The following QTRT2 variants were observed in gnomAD, a reference collection of about 807,000 sequenced individuals.
QTRT2 encodes the protein queuine tRNA-ribosyltransferase domain containing 1.
QTRT2 carries 32 observed loss-of-function variants against 44.8 expected under a neutral mutation model. That is an observed-to-expected ratio of 0.71 (90% CI 0.54 to 0.96). The LOEUF is 0.96. Among genes scored for constraint, QTRT2 ranks in the 40% least tolerant of loss-of-function variants. The pLI, the probability that QTRT2 is intolerant of heterozygous loss-of-function variation, is 0.00. For synonymous variants in QTRT2, 182 were observed against 187.4 expected, an observed-to-expected ratio of 0.97 and a Z score of 0.24; for missense variants, 461 against 503.1, an observed-to-expected ratio of 0.92 and a Z score of 0.80.
chr3:114,077,711 CT>C lies in QTRT2; in HGVS notation c.746+788del, dbSNP rs748709745. 2.3e-3 allele frequency: 298 copies of C among 127,688 alleles called. 1 individual carries two copies. The highest frequency in any genetic ancestry group is 0.021 in the South Asian group (83 of 3,928). The allele number at this position is 127,688 out of a possible 1,614,324, so 7.9% of individuals were successfully genotyped here. A position where few individuals can be genotyped will look rare whatever the true frequency, so the allele number is the denominator to read the frequency against. On this transcript the variant is annotated intron_variant, in intron 7 of 9. Transcript: ENST00000281273. ...GTATATAATATGTGTAATTTTACTA[CT>C]TTTTTTTTTTTTTTTTTTGAGACGG...
intron 6 of QTRT2, among the ~76,000 whole-genome samples, chr3:114,072,642 T>C (rs1288607905): frequency 1.3e-5 from 2 of 152,244 alleles, no homozygotes; most frequent in Non-Finnish European, 2.9e-5. Flanking sequence ...CCCTGTCTTA[T>C]TCACTGGTTC....
chr3:114,076,093 T>C (rs1577537211), intron 6 of QTRT2, among the ~76,000 whole-genome samples: 1 of 152,320 alleles, frequency 6.6e-6, no homozygotes, highest in African/African-American at 2.4e-5. Context: ...AAAGCAGGCC[T>C]GGATAGTCAT....
intron 9 of QTRT2, among the ~76,000 whole-genome samples, chr3:114,084,079 G>C (rs867805154): frequency 4.6e-5 from 6 of 129,784 alleles, no homozygotes; most frequent in Non-Finnish European, 8.5e-5. Context: ...TTTTTTTTGT[G>C]GGGGGCAGAG....
intron 5 of QTRT2, chr3:114,068,417 GT>G (rs1427870956): frequency 3.7e-6 from 1 of 267,634 alleles, no homozygotes; most frequent in Non-Finnish European, 7.5e-6. Context: ...AGTGGGGAAA[GT>G]TGCTGATGAG....
intron 7 of QTRT2, chr3:114,077,459 G>A (rs2077106193): frequency 6.5e-6 from 1 of 154,560 alleles, no homozygotes; most frequent in Non-Finnish European, 1.4e-5. Context: ...TGGTTCTTAT[G>A]TTTCCATAAA....
Position 114,086,057 on chromosome 3 carries a change from A to G in QTRT2, c.*153A>G. 1 of 640,656 alleles carries G rather than the reference A, an allele frequency of 1.6e-6. No individual in the cohort carries two copies. 39.7% of individuals were successfully genotyped at this position (640,656 alleles called of 1,614,324 possible). A position where few individuals can be genotyped will look rare whatever the true frequency, so the allele number is the denominator to read the frequency against. On this transcript the variant is annotated 3_prime_UTR_variant, in exon 10 of 10. Coordinates refer to ENST00000281273, the MANE Select transcript of QTRT2 (RefSeq NM_024638.4). ...AGAATCTTTGTACCAAACTGCCCAC[A>G]TGAGGGTGAAGAGATTTCCTCAAAA... is the stretch of plus-strand genomic sequence containing the variant.
At chr3:114,057,737 A>G (rs1288810312) in intron 2 of QTRT2, among the ~76,000 whole-genome samples, 2 of 152,242 alleles carry the variant, frequency 1.3e-5, no homozygotes, top group Non-Finnish European at 2.9e-5. Flanking sequence ...AGAAGTGCAT[A>G]TATTATAGTA....
At chr3:114,066,164 G>C in intron 3 of QTRT2, 64 bp from the exon 4 acceptor site, 1 of 1,199,396 alleles carries the variant, frequency 8.3e-7, no homozygotes, top group South Asian at 1.2e-5. Flanking sequence ...GAGGGCTCCA[G>C]TTGTACAGAG....
chr3:114,086,212 A>C lies in QTRT2; in HGVS notation c.*308A>C. The C allele has an allele frequency of 2.9e-6, 1 of 339,128 alleles. No homozygotes were observed. The highest frequency in any genetic ancestry group is 2.7e-5 in the South Asian group (1 of 37,294). The allele number at this position is 339,128 out of a possible 1,614,324, so 21.0% of individuals were successfully genotyped here. ...CTTTAACTGTGAGGGCACAGCCTTG[A>C]AGTGGGAGTGATGAGATTCTGAGGG... On this transcript the variant is annotated 3_prime_UTR_variant, in exon 10 of 10. Coordinates refer to ENST00000281273, the MANE Select transcript of QTRT2 (RefSeq NM_024638.4).
chr3:114,078,164 T>C (rs1038325394), intron 7 of QTRT2: 1 of 152,244 alleles, frequency 6.6e-6, no homozygotes, highest in Non-Finnish European at 1.5e-5. Flanking sequence ...CTAGTTCTTT[T>C]GTGTTCATTG....
rs567334012 is a variant in QTRT2, at chr3:114,068,346, T to C, written c.333+283T>C. 15 of 326,302 alleles carry C rather than the reference T, an allele frequency of 4.6e-5. No homozygotes were observed. The East Asian group carries it at 8.6e-4, about 19-fold the overall frequency. The allele number at this position is 326,302 out of a possible 1,614,324, so 20.2% of individuals were successfully genotyped here. On this transcript the variant is annotated intron_variant, in intron 5 of 9. Transcript: ENST00000281273. ...ATGCCAAAAAAAGAAATTGCTATGA[T>C]AGGGGAAAACGATAGTCTTTCGGCG...
chr3:114,069,612 A>T (rs1421022632), intron 5 of QTRT2, among the ~76,000 whole-genome samples: 1 of 152,192 alleles, frequency 6.6e-6, no homozygotes, highest in Non-Finnish European at 1.5e-5. Context: ...CCCATGGTAT[A>T]TATGTACCAC....
intron 4 of QTRT2, 33 bp from the exon 5 acceptor site, chr3:114,067,954 C>T (rs768910231): frequency 6.3e-7 from 1 of 1,592,046 alleles, no homozygotes; most frequent in South Asian, 1.1e-5. Context: ...TTGATGTAAG[C>T]ACTTTCAAGG....
intron 7 of QTRT2, 67 bp from the exon 8 acceptor site, chr3:114,079,839 A>G (rs2077142272): frequency 7.4e-6 from 11 of 1,496,170 alleles, no homozygotes; most frequent in Admixed American, 1.7e-5. Flanking sequence ...CTTGTTCATT[A>G]AAAGGACTTT....
chr3:114,065,166 T>TC (rs994885155), intron 2 of QTRT2, 71 bp from the exon 3 acceptor site: 2 of 1,021,554 alleles, frequency 2.0e-6, no homozygotes, highest in South Asian at 2.9e-5. Context: ...GAAGATTTTT[T>TC]TTTTTTGCAA....
chr3:114,076,605 A>G (rs2077093701), intron 6 of QTRT2, 138 bp from the exon 7 acceptor site: 1 of 703,666 alleles, frequency 1.4e-6, no homozygotes, highest in African/African-American at 1.8e-5. Context: ...GGGAGGAGGG[A>G]GCACCATCCC....
At position 114,082,662 on chromosome 3, in the gene QTRT2, T is replaced by C. The variant is rs773611823; in HGVS notation, c.899-15T>C. The C allele has an allele frequency of 2.0e-6, 2 of 1,008,496 alleles. No individual in the cohort carries two copies. Among genetic ancestry groups the C allele is most frequent in the Non-Finnish European group, 3.0e-6 (2 of 673,904 alleles). 62.5% of individuals were successfully genotyped at this position (1,008,496 alleles called of 1,614,324 possible). On this transcript the variant is annotated splice_polypyrimidine_tract_variant and intron_variant, in intron 8 of 9. Coordinates refer to ENST00000281273, the MANE Select transcript of QTRT2 (RefSeq NM_024638.4). The stretch of plus-strand genomic sequence containing the variant: ...CTGATCATCATTCAAGCCTTTTTAT[T>C]GGTTTGTCCTTCAGTACTACAACAA...
At chr3:114,059,377 T>C (rs563139791) in intron 2 of QTRT2, among the ~76,000 whole-genome samples, 1 of 152,360 alleles carries the variant, frequency 6.6e-6, no homozygotes, top group East Asian at 1.9e-4. Context: ...AGACTGTTGA[T>C]CTGTTTCTTG....
intron 6 of QTRT2, among the ~76,000 whole-genome samples, chr3:114,072,697 G>A (rs993723122): frequency 9.2e-5 from 14 of 152,222 alleles, no homozygotes; most frequent in African/African-American, 3.1e-4. Context: ...TCCAAGATTC[G>A]GTTGTTGGCT....
Sources: gnomAD v4.1 joint callset for allele counts (sites outside exome capture counted in the v4.1 genomes callset) on GRCh38, gnomAD v4.1.1 for gene constraint, MANE v1.5 for transcripts, NCBI Gene and HGNC (gene_info 2026-07-23, HGNC 2026-07-21) for gene names.